The following DNAAF9 variants were observed in gnomAD, a reference collection of about 807,000 sequenced individuals.
DNAAF9 encodes the protein dynein axonemal assembly factor 9.
A neutral mutation model predicts 167.0 loss-of-function variants in DNAAF9; 90 were observed. The observed-to-expected ratio is 0.54, with a 90% CI of 0.45 to 0.64. The LOEUF is 0.64. Ranked by LOEUF, DNAAF9 falls within the 30% of genes least tolerant of loss-of-function variation. The pLI, the probability that DNAAF9 is intolerant of heterozygous loss-of-function variation, is 0.00. For missense variants in DNAAF9, 1,315 were observed against 1,442.2 expected (o/e 0.91, Z 1.43); for synonymous variants, 491 against 508.8 (o/e 0.96, Z 0.47).
intron 20 of DNAAF9, among the ~76,000 whole-genome samples, chr20:3,306,306 T>A (rs1421228836): frequency 1.3e-5 from 2 of 152,216 alleles, no homozygotes; most frequent in South Asian, 2.1e-4. Flanking sequence ...CAGTCATTGG[T>A]ATTCGCATTT....
At chr20:3,333,361 A>T (rs939319379) in intron 10 of DNAAF9, among the ~76,000 whole-genome samples, 1 of 152,240 alleles carries the variant, frequency 6.6e-6, no homozygotes, top group African/African-American at 2.4e-5. Context: ...AAATACTACC[A>T]CAAGAACTAA....
intron 1 of DNAAF9, among the ~76,000 whole-genome samples, chr20:3,387,239 C>T (rs536075971): frequency 1.3e-5 from 2 of 152,152 alleles, no homozygotes; most frequent in Non-Finnish European, 2.9e-5. Context: ...GTAGAACTCA[C>T]ACTCCTGATT....
rs8117015 is a variant in DNAAF9 at position 3,361,693 on chromosome 20, C to T, written c.613-2100G>A. Reference sequence around the variant, plus strand: ...GACAGGATGATTTGTTATAGCACAACTTATATATTTCAAATGGACAAAAAA... The same window carrying T: ...GACAGGATGATTTGTTATAGCACAATTTATATATTTCAAATGGACAAAAAA... On this transcript the variant is annotated intron_variant, in intron 6 of 36. Transcript: ENST00000252032. Among the ~76,000 whole-genome samples the T allele has an allele frequency of 9.0e-3, 1,376 of 152,294 alleles. 19 individuals carry two copies. Among genetic ancestry groups the T allele is most frequent in the African/African-American group, 0.032 (1,321 of 41,566 alleles).
chr20:3,327,409 G>C (rs1291393680), intron 12 of DNAAF9, among the ~76,000 whole-genome samples: 1 of 152,038 alleles, frequency 6.6e-6, no homozygotes, highest in Non-Finnish European at 1.5e-5. Context: ...ATTGCCCTTG[G>C]TTGAGAACCA....
intron 10 of DNAAF9, among the ~76,000 whole-genome samples, chr20:3,337,839 T>C (rs1208891825): frequency 1.3e-5 from 2 of 151,932 alleles, no homozygotes; most frequent in South Asian, 2.1e-4. Flanking sequence ...TAATCACCTA[T>C]ACAGTTACTA....
At chr20:3,390,770 T>C (rs1183468689) in intron 1 of DNAAF9, among the ~76,000 whole-genome samples, 2 of 152,148 alleles carry the variant, frequency 1.3e-5, no homozygotes, top group African/African-American at 4.8e-5. Context: ...ACGATCAAGA[T>C]TAAAGTCAGA....
At chr20:3,384,464 A>C (rs569355029) in intron 1 of DNAAF9, 2 of 152,260 alleles carry the variant, frequency 1.3e-5, no homozygotes, top group South Asian at 4.1e-4. Context: ...TCAGTCAAAA[A>C]CAAAAAGTAT....
intron 14 of DNAAF9, among the ~76,000 whole-genome samples, chr20:3,324,546 T>C (rs2069676132): frequency 1.3e-5 from 2 of 152,156 alleles, no homozygotes; most frequent in Admixed American, 6.5e-5. Flanking sequence ...GTGACTATCT[T>C]CCTGTGCCCA....
At chr20:3,401,010 T>C (rs1157473567) in intron 1 of DNAAF9, among the ~76,000 whole-genome samples, 2 of 152,170 alleles carry the variant, frequency 1.3e-5, no homozygotes, top group Non-Finnish European at 2.9e-5. Context: ...TTCCAGGGCA[T>C]TGGCTTGCTT....
chr20:3,404,694 C>T (rs780858884), intron 1 of DNAAF9, among the ~76,000 whole-genome samples: 2 of 152,082 alleles, frequency 1.3e-5, no homozygotes, highest in Non-Finnish European at 2.9e-5. Flanking sequence ...CTCTACAGCA[C>T]CTAACAGAGT....
chr20:3,277,337 C>T (rs1254733311), intron 29 of DNAAF9, among the ~76,000 whole-genome samples: 1 of 152,298 alleles, frequency 6.6e-6, no homozygotes, highest in East Asian at 1.9e-4. Context: ...AGGCAACACT[C>T]TTCCCTGCTT....
chr20:3,406,926 C>G (rs1053760159), intron 1 of DNAAF9, among the ~76,000 whole-genome samples: 2 of 151,960 alleles, frequency 1.3e-5, no homozygotes, highest in East Asian at 1.9e-4. Flanking sequence ...GGGGGACACT[C>G]TTTAAGGAAG....
chr20:3,269,321 T>A (rs1401057220), intron 30 of DNAAF9, among the ~76,000 whole-genome samples: 1 of 151,922 alleles, frequency 6.6e-6, no homozygotes, highest in Non-Finnish European at 1.5e-5. Context: ...GCAATCCTCC[T>A]GCCCAGCCTC....
At chr20:3,304,753 A>C (rs898814518) in intron 20 of DNAAF9, among the ~76,000 whole-genome samples, 2 of 152,242 alleles carry the variant, frequency 1.3e-5, no homozygotes, top group African/African-American at 4.8e-5. Context: ...CAGTCTTTGC[A>C]TAAGAATTAG....
At chr20:3,335,129 ATAAAACCATTT>A (rs1195114392) in intron 10 of DNAAF9, among the ~76,000 whole-genome samples, 1 of 152,196 alleles carries the variant, frequency 6.6e-6, no homozygotes, top group Non-Finnish European at 1.5e-5. Context: ...AACTTTTGAG[ATAAAACCATTT>A]TAAAGTATAT....
chr20:3,358,315 G>A (rs2083316670), intron 7 of DNAAF9, among the ~76,000 whole-genome samples: 1 of 151,832 alleles, frequency 6.6e-6, no homozygotes, highest in African/African-American at 2.4e-5. Context: ...ATGGAGTCTT[G>A]CTCTGTCACC....
chr20:3,381,432 T>C lies in DNAAF9; in HGVS notation c.230A>G (p.Asn77Ser). 6.2e-7 allele frequency: 1 copy of C among 1,613,202 alleles called. No individual in the cohort carries two copies. Among genetic ancestry groups the C allele is most frequent in the Non-Finnish European group, 8.5e-7 (1 of 1,179,210 alleles). ...LANYLLFGLY[N>S]QNTSDFEKTG... is the part of the protein sequence containing the mutation. ...TTTCTCAAAATCACTGGTATTCTGA[T>C]TGTACAAACCAAATAGAAGATAATT... Residue 77 changes from asparagine to serine, a missense_variant, in exon 3 of 37, where the codon AAT becomes AGT. Physicochemically the swap from Asn to Ser is conservative, Grantham distance 46. Around this residue, in one of 2 missense-constraint regions of DNAAF9, gnomAD observed 981 missense variants for 1,012.5 expected, o/e 0.97. Coordinates refer to ENST00000252032, the MANE Select transcript of DNAAF9 (RefSeq NM_001009984.3).
chr20:3,340,812 G>C (rs2123112072), intron 9 of DNAAF9, 173 bp from the exon 10 acceptor site: 1 of 613,130 alleles, frequency 1.6e-6, no homozygotes, highest in African/African-American at 1.8e-5. Flanking sequence ...GATGCCAGCT[G>C]TCTCCCTACT....
At chr20:3,391,315 T>C (rs1008622119) in intron 1 of DNAAF9, among the ~76,000 whole-genome samples, 3 of 152,102 alleles carry the variant, frequency 2.0e-5, no homozygotes, top group Admixed American at 6.5e-5. Flanking sequence ...TACCTTTTAA[T>C]TAAAAAAAAG....
Sources: allele counts gnomAD v4.1 joint callset (sites outside exome capture counted in the v4.1 genomes callset), GRCh38; gene constraint gnomAD v4.1.1; regional missense constraint gnomAD v4.1.1; transcripts MANE v1.5; gene names NCBI Gene and HGNC (gene_info 2026-07-23, HGNC 2026-07-21).